The following AKAP13 variants were observed in gnomAD, a reference collection of about 807,000 sequenced individuals.
AKAP13 encodes the protein A-kinase anchoring protein 13.
Under a neutral mutation model 264.5 loss-of-function variants are expected in AKAP13, and 80 were observed. That is an observed-to-expected ratio of 0.30 (90% CI 0.25 to 0.36). The LOEUF is 0.36. Among genes scored for constraint, AKAP13 ranks in the 10% least tolerant of loss-of-function variants. The pLI, the probability that AKAP13 is intolerant of heterozygous loss-of-function variation, is 1.00. For synonymous variants in AKAP13, 1,380 were observed against 1,250.2 expected, an observed-to-expected ratio of 1.10 and a Z score of -2.19; for missense variants, 3,712 against 3,435.2, an observed-to-expected ratio of 1.08 and a Z score of -2.01.
chr15:85,446,452 G>T (rs1161015035), intron 1 of AKAP13, among the ~76,000 whole-genome samples: 1 of 152,182 alleles, frequency 6.6e-6, no homozygotes, highest in Non-Finnish European at 1.5e-5. Context: ...GCATGTAGAA[G>T]ATGGATTCAG....
At chr15:85,460,899 G>C (rs2074483894) in intron 1 of AKAP13, among the ~76,000 whole-genome samples, 2 of 152,002 alleles carry the variant, frequency 1.3e-5, no homozygotes, top group African/African-American at 2.4e-5. Flanking sequence ...TTGATTTTTA[G>C]CCCTGTGAGA....
chr15:85,491,497 T>TATATTATA (rs375544509), intron 2 of AKAP13, among the ~76,000 whole-genome samples: 4 of 140,692 alleles, frequency 2.8e-5, no homozygotes, highest in Non-Finnish European at 6.1e-5. Flanking sequence ...TTATATATAT[T>TATATTATA]TATTATATAT....
At position 85,723,260 on chromosome 15, in the gene AKAP13, C is replaced by T. The variant is rs199748104; in HGVS notation, c.6685C>T (p.Arg2229Trp). ...GQMFAKEDLKRKKLVRDGSVF... is the reference protein window; with the variant it reads ...GQMFAKEDLKWKKLVRDGSVF... ...GATGTTTGCCAAGGAAGATTTGAAA[C>T]GGAAGAAGCTTGTACGTGATGGGAG... is the stretch of plus-strand genomic sequence containing the variant. The change falls in exon 26 of 37, where the codon CGG becomes TGG. Residue 2229 changes from arginine (R) to tryptophan (W), a missense_variant. This residue lies in a region of AKAP13 where 342 missense variants were observed against 484.3 expected (regional missense o/e 0.71). Transcript: ENST00000394518. 466 of 1,613,986 alleles carry T rather than the reference C, an allele frequency of 2.9e-4. No homozygotes were observed. The highest frequency in any genetic ancestry group is 3.8e-4 in the Non-Finnish European group (452 of 1,179,982).
At chr15:85,585,603 GCAAAA>G (rs1357824321) in intron 7 of AKAP13, 94 bp from the exon 8 acceptor site, 5 of 1,539,460 alleles carry the variant, frequency 3.2e-6, no homozygotes, top group Non-Finnish European at 3.5e-6. Context: ...TAACGCAAAA[GCAAAA>G]CAAAACACAT....
chr15:85,512,577 T>C (rs1413841770), intron 2 of AKAP13, among the ~76,000 whole-genome samples: 1 of 152,140 alleles, frequency 6.6e-6, no homozygotes, highest in Admixed American at 6.5e-5. Flanking sequence ...GACTTAGGAA[T>C]CCTACTTGGA....
At chr15:85,626,647 A>G (rs895459419) in intron 8 of AKAP13, among the ~76,000 whole-genome samples, 2 of 152,228 alleles carry the variant, frequency 1.3e-5, no homozygotes, top group East Asian at 1.9e-4. Flanking sequence ...TCATCCATCA[A>G]TTGACATTGG....
chr15:85,547,403 CTA>C (rs2077789352), intron 5 of AKAP13, among the ~76,000 whole-genome samples: 1 of 152,162 alleles, frequency 6.6e-6, no homozygotes, highest in Admixed American at 6.5e-5. Context: ...GATTGCCAGT[CTA>C]TTTTGATAAA....
At chr15:85,739,230 T>G (rs537540374) in intron 33 of AKAP13, among the ~76,000 whole-genome samples, 53 of 152,390 alleles carry the variant, frequency 3.5e-4, no homozygotes, top group African/African-American at 1.1e-3. Context: ...GGTTTTGCAG[T>G]GCTTGGTACT....
At chr15:85,513,976 C>A (rs2076525887) in intron 2 of AKAP13, among the ~76,000 whole-genome samples, 1 of 137,830 alleles carries the variant, frequency 7.3e-6, no homozygotes, top group African/African-American at 2.9e-5. Flanking sequence ...TTTTGATTAA[C>A]CTGTTCAGTG....
intron 11 of AKAP13, among the ~76,000 whole-genome samples, chr15:85,656,718 G>A (rs2083114547): frequency 6.6e-6 from 1 of 152,180 alleles, no homozygotes; most frequent in South Asian, 2.1e-4. Flanking sequence ...AAAGTGCTGG[G>A]ATCACAGGCG....
intron 2 of AKAP13, among the ~76,000 whole-genome samples, chr15:85,520,087 C>T (rs1293603621): frequency 6.6e-6 from 1 of 151,840 alleles, no homozygotes; most frequent in Non-Finnish European, 1.5e-5. Flanking sequence ...ATGGTTACAA[C>T]AGGAATTATA....
chr15:85,565,460 A>G (rs1277313180), intron 5 of AKAP13, among the ~76,000 whole-genome samples: 1 of 152,210 alleles, frequency 6.6e-6, no homozygotes, highest in Non-Finnish European at 1.5e-5. Context: ...TGGTTACAAT[A>G]TAATCTTTGT....
rs757403302 is a variant in AKAP13 at position 85,579,001 on chromosome 15, A to G, written c.933A>G (p.Pro311=). 3.7e-6 allele frequency: 6 copies of G among 1,614,076 alleles called. No homozygotes were observed. The highest frequency in any genetic ancestry group is 3.3e-5 in the South Asian group (3 of 91,074). ...CAGCACAGGATCCTTCCAGTGCCCC[A>G]GAGACAGATGGCCAGTTTCTTCCCT... ...MMTAQDPSSA[P]ETDGQFLPCA... Residue 311 remains proline, a synonymous_variant, in exon 7 of 37, where the codon CCA becomes CCG. Coordinates refer to ENST00000394518, the MANE Select transcript of AKAP13 (RefSeq NM_007200.5).
At chr15:85,592,014 A>T in intron 8 of AKAP13, among the ~76,000 whole-genome samples, 1 of 150,664 alleles carries the variant, frequency 6.6e-6, no homozygotes, top group East Asian at 1.9e-4. Flanking sequence ...ACCTTCCTCA[A>T]TCAAGAAAGC....
intron 3 of AKAP13, among the ~76,000 whole-genome samples, chr15:85,527,025 G>C (rs1265521380): frequency 1.3e-5 from 2 of 150,314 alleles, no homozygotes; most frequent in Non-Finnish European, 2.9e-5. Flanking sequence ...CGCGATCTCT[G>C]CTCACTGCAA....
At chr15:85,622,448 T>C (rs1596758704) in intron 8 of AKAP13, among the ~76,000 whole-genome samples, 2 of 151,826 alleles carry the variant, frequency 1.3e-5, no homozygotes, top group Admixed American at 1.3e-4. Flanking sequence ...GAGTGGAAAG[T>C]GGGGTAGCAG....
At chr15:85,445,124 A>G (rs773039399) in intron 1 of AKAP13, among the ~76,000 whole-genome samples, 13 of 152,228 alleles carry the variant, frequency 8.5e-5, no homozygotes, top group Non-Finnish European at 1.8e-4. Context: ...TATCTGATCA[A>G]AAAAACCTAT....
chr15:85,615,165 T>G (rs1405788300), intron 8 of AKAP13, among the ~76,000 whole-genome samples: 1 of 152,260 alleles, frequency 6.6e-6, no homozygotes, highest in Non-Finnish European at 1.5e-5. Context: ...TTTTAATTGT[T>G]GCTATTATTG....
chr15:85,547,736 A>G (rs2077805715), intron 5 of AKAP13, among the ~76,000 whole-genome samples: 1 of 152,132 alleles, frequency 6.6e-6, no homozygotes. Flanking sequence ...GTTTCACTCT[A>G]AGTAAATGAA....
Sources: allele counts gnomAD v4.1 joint callset (sites outside exome capture counted in the v4.1 genomes callset), GRCh38; gene constraint gnomAD v4.1.1; regional missense constraint gnomAD v4.1.1; transcripts MANE v1.5; gene names NCBI Gene and HGNC (gene_info 2026-07-23, HGNC 2026-07-21).